MTDH: variants seen among roughly 807,000 people sequenced by gnomAD.
MTDH encodes metadherin, also known as protein LYRIC.
Under a neutral mutation model 72.7 loss-of-function variants are expected in MTDH, and 34 were observed. The ratio of observed to expected loss-of-function variants is 0.47; its 90% CI spans 0.36 to 0.62. The LOEUF is 0.62. Among genes scored for constraint, MTDH ranks in the 20% least tolerant of loss-of-function variants. MTDH has a pLI of 0.00. For missense variants in MTDH, 677 were observed against 699.4 expected (o/e 0.97, Z 0.36); for synonymous variants, 266 against 268.9 (o/e 0.99, Z 0.10).
At chr8:97,674,649 A>G (rs1014991573) in intron 2 of MTDH, among the ~76,000 whole-genome samples, 6 of 152,224 alleles carry the variant, frequency 3.9e-5, no homozygotes, top group Non-Finnish European at 7.3e-5. Flanking sequence ...TGCATTTTAA[A>G]AAACATTGTT....
At chr8:97,684,659 C>T (rs183601041) in intron 2 of MTDH, among the ~76,000 whole-genome samples, 142 of 152,284 alleles carry the variant, frequency 9.3e-4, no homozygotes, top group African/African-American at 3.0e-3. Flanking sequence ...AATATGTTAC[C>T]TTTACTTAAG....
At chr8:97,678,216 A>G (rs1023246474) in intron 2 of MTDH, among the ~76,000 whole-genome samples, 5 of 152,220 alleles carry the variant, frequency 3.3e-5, no homozygotes, top group African/African-American at 4.8e-5. Context: ...ACTGTAAATC[A>G]CTTATTTAAC....
At chr8:97,693,737 A>C (rs959214808) in intron 6 of MTDH, among the ~76,000 whole-genome samples, 2 of 151,716 alleles carry the variant, frequency 1.3e-5, no homozygotes, top group Admixed American at 6.6e-5. Context: ...ATTTTTTGAG[A>C]CAGGGTCGTA....
chr8:97,697,381 G>GTTTTT lies in MTDH; in HGVS notation c.1049-2354_1049-2350dup, dbSNP rs755015450. 2.6e-4 allele frequency among the ~76,000 whole-genome samples: 21 copies of GTTTTT among 80,188 alleles called. 1 individual carries two copies. Among genetic ancestry groups the GTTTTT allele is most frequent in the Non-Finnish European group, 3.3e-4 (15 of 45,606 alleles). 52.6% of individuals were successfully genotyped at this position (80,188 alleles called of 152,430 possible). ...CTGGTTCCAAAATATTATTATTTCGGTTTTTTTTTTTTTTTTTTTTTTTGA... is the reference window on the plus strand; with the variant it reads ...CTGGTTCCAAAATATTATTATTTCGGTTTTTTTTTTTTTTTTTTTTTTTTTTTTGA... On this transcript the variant is annotated intron_variant, in intron 6 of 11. Coordinates refer to ENST00000336273, the MANE Select transcript of MTDH (RefSeq NM_178812.4).
At chr8:97,656,329 A>G (rs1362271731) in intron 1 of MTDH, among the ~76,000 whole-genome samples, 1 of 137,518 alleles carries the variant, frequency 7.3e-6, no homozygotes, top group Non-Finnish European at 1.5e-5. Flanking sequence ...TTTTTGAGAC[A>G]GAGACTCGCT....
chr8:97,662,789 A>G (rs2130936974), intron 2 of MTDH, among the ~76,000 whole-genome samples: 1 of 150,882 alleles, frequency 6.6e-6, no homozygotes, highest in South Asian at 2.1e-4. Flanking sequence ...CTGTCAAAAA[A>G]AAAAAGAAAG....
Position 97,713,771 on chromosome 8 carries a change from TA to T in MTDH, c.1380+6del. ...GGTGAAGATAACTCTACTGCACAGG[TA>T]AAATGTCAGAACAACAAGCATTCAT... On this transcript the variant is annotated splice_donor_region_variant and intron_variant, in intron 9 of 11. Transcript: ENST00000336273. 1 of 1,538,174 alleles carries T rather than the reference TA, an allele frequency of 6.5e-7. No homozygotes were observed. Among genetic ancestry groups the T allele is most frequent in the South Asian group, 1.2e-5 (1 of 80,856 alleles).
chr8:97,706,886 C>T (rs943260988), intron 8 of MTDH, 136 bp downstream of exon 8: 6 of 938,794 alleles, frequency 6.4e-6, no homozygotes, highest in African/African-American at 1.7e-5. Context: ...CAAGGCCAGC[C>T]TGGGCAACAT....
At chr8:97,667,920 A>C (rs114962051) in intron 2 of MTDH, among the ~76,000 whole-genome samples, 3,797 of 152,076 alleles carry the variant, frequency 0.025, 103 homozygotes, top group African/African-American at 0.06. Context: ...AGGAATTTCT[A>C]ATGACGTTAG....
chr8:97,713,957 C>A (rs943169472), intron 9 of MTDH, among the ~76,000 whole-genome samples, 188 bp downstream of exon 9: 1 of 152,022 alleles, frequency 6.6e-6, no homozygotes, highest in Non-Finnish European at 1.5e-5. Context: ...TCAAAAAATT[C>A]GTGTTAAAGG....
At position 97,645,032 on chromosome 8, in the gene MTDH, G is replaced by T. The variant is rs1256563325; in HGVS notation, c.381+145G>T. The T allele has an allele frequency of 3.3e-6, 3 of 898,640 alleles. No individual in the cohort carries two copies. In the East Asian group the frequency reaches 9.6e-5, roughly 29 times the overall value. The allele number at this position is 898,640 out of a possible 1,614,324, so 55.7% of individuals were successfully genotyped here. A position where few individuals can be genotyped will look rare whatever the true frequency, so the allele number is the denominator to read the frequency against. On this transcript the variant is annotated intron_variant, in intron 1 of 11. Coordinates refer to ENST00000336273, the MANE Select transcript of MTDH (RefSeq NM_178812.4). ...GCAGCACTCCCAAGTGGAGGAGGAGGTGATAGGTGGTCATGTTATTTGGGG... is the reference window on the plus strand; with the variant it reads ...GCAGCACTCCCAAGTGGAGGAGGAGTTGATAGGTGGTCATGTTATTTGGGG...
At chr8:97,653,162 T>C (rs1811841834) in intron 1 of MTDH, among the ~76,000 whole-genome samples, 1 of 150,094 alleles carries the variant, frequency 6.7e-6, no homozygotes, top group Non-Finnish European at 1.5e-5. Context: ...CTCAAAAAAA[T>C]CCAAATTATA....
intron 6 of MTDH, among the ~76,000 whole-genome samples, chr8:97,692,517 C>T (rs1194092738): frequency 6.6e-6 from 1 of 151,674 alleles, no homozygotes; most frequent in Non-Finnish European, 1.5e-5. Flanking sequence ...GGATTACAGG[C>T]ATACGCCACC....
At chr8:97,681,768 A>C (rs1300289790) in intron 2 of MTDH, among the ~76,000 whole-genome samples, 1 of 152,134 alleles carries the variant, frequency 6.6e-6, no homozygotes, top group Non-Finnish European at 1.5e-5. Context: ...CTGGGATTAC[A>C]GGCATGAGCC....
intron 10 of MTDH, among the ~76,000 whole-genome samples, chr8:97,720,078 A>C (rs1815048023): frequency 6.6e-6 from 1 of 151,748 alleles, no homozygotes; most frequent in Non-Finnish European, 1.5e-5. Flanking sequence ...CAAGGTCAGG[A>C]GTTCGAGACC....
chr8:97,648,395 A>T (rs1811641550), intron 1 of MTDH, among the ~76,000 whole-genome samples: 2 of 152,082 alleles, frequency 1.3e-5, no homozygotes, highest in South Asian at 4.1e-4. Flanking sequence ...CTGAGTAATG[A>T]CTTAGATTGA....
rs79140498 is a variant in MTDH, at chr8:97,711,324, C to G, written c.1273-2338C>G. On this transcript the variant is annotated intron_variant, in intron 8 of 11. Transcript: ENST00000336273. ...GACTAGTCTGTACAACATAGCAAGA[C>G]CCTATCTCTAATTAAAAAAAAAAAA... 6.2e-3 allele frequency among the ~76,000 whole-genome samples: 919 copies of G among 149,060 alleles called. 9 individuals carry two copies. The highest frequency in any genetic ancestry group is 0.021 in the African/African-American group (857 of 40,552).
intron 2 of MTDH, among the ~76,000 whole-genome samples, chr8:97,669,953 A>G (rs1743411992): frequency 2.0e-5 from 3 of 150,198 alleles, no homozygotes; most frequent in Admixed American, 1.3e-4. Context: ...TCCCTTTTCT[A>G]CTTGCGTTTC....
chr8:97,704,282 G>C (rs1003358291), intron 7 of MTDH, among the ~76,000 whole-genome samples: 1 of 152,194 alleles, frequency 6.6e-6, no homozygotes, highest in African/African-American at 2.4e-5. Flanking sequence ...CAAGCTGCAC[G>C]TGCAGAAGGA....
Sources: gnomAD v4.1 joint callset for allele counts (sites outside exome capture counted in the v4.1 genomes callset) on GRCh38, gnomAD v4.1.1 for gene constraint, MANE v1.5 for transcripts, NCBI Gene and HGNC (gene_info 2026-07-23, HGNC 2026-07-21) for gene names.